CNTNAP5: variants seen among roughly 807,000 people sequenced by gnomAD.
The protein encoded by CNTNAP5 is contactin associated protein family member 5, also known as contactin-associated protein-like 5.
A neutral mutation model predicts 150.2 loss-of-function variants in CNTNAP5; 72 were observed. The ratio of observed to expected loss-of-function variants is 0.48; its 90% CI spans 0.40 to 0.58. CNTNAP5 has a LOEUF of 0.58. Among genes scored for constraint, CNTNAP5 ranks in the 20% least tolerant of loss-of-function variants. The pLI is 0.00. For missense variants in CNTNAP5, 1,636 were observed against 1,626.2 expected, an observed-to-expected ratio of 1.01 and a Z score of -0.10; for synonymous variants, 672 against 619.8, an observed-to-expected ratio of 1.08 and a Z score of -1.25.
At chr2:124,381,602 G>T (rs1391843506) in intron 3 of CNTNAP5, among the ~76,000 whole-genome samples, 2 of 152,092 alleles carry the variant, frequency 1.3e-5, no homozygotes, top group Non-Finnish European at 2.9e-5. Context: ...AGATGTGTAA[G>T]TGCTGGGCAA....
chr2:124,099,945 A>C (rs1002715390), intron 1 of CNTNAP5, among the ~76,000 whole-genome samples: 10 of 152,228 alleles, frequency 6.6e-5, no homozygotes, highest in African/African-American at 2.4e-4. Context: ...CCAACACTGG[A>C]GATGACAGTT....
chr2:124,549,293 A>T (rs903138552), intron 10 of CNTNAP5, among the ~76,000 whole-genome samples: 1 of 152,188 alleles, frequency 6.6e-6, no homozygotes, highest in Admixed American at 6.5e-5. Flanking sequence ...AACCTAGAGG[A>T]GCCGGGATAA....
At chr2:124,865,026 CA>C (rs1677601402) in intron 19 of CNTNAP5, among the ~76,000 whole-genome samples, 1 of 151,894 alleles carries the variant, frequency 6.6e-6, no homozygotes, top group Admixed American at 6.6e-5. Context: ...GATCCAATTA[CA>C]AAATAGATGT....
At chr2:124,665,347 A>T (rs1300282178) in intron 13 of CNTNAP5, among the ~76,000 whole-genome samples, 1 of 152,228 alleles carries the variant, frequency 6.6e-6, no homozygotes, top group Non-Finnish European at 1.5e-5. Flanking sequence ...CCTGAATTTT[A>T]GTTTCAGCTA....
At chr2:124,809,236 C>A (rs561806576) in intron 19 of CNTNAP5, among the ~76,000 whole-genome samples, 1 of 151,980 alleles carries the variant, frequency 6.6e-6, no homozygotes, top group Admixed American at 6.6e-5. Context: ...CTTTCACCAG[C>A]CTTCCAAGAC....
At chr2:124,567,931 G>A (rs1696071025) in intron 11 of CNTNAP5, among the ~76,000 whole-genome samples, 1 of 151,222 alleles carries the variant, frequency 6.6e-6, no homozygotes, top group African/African-American at 2.4e-5. Flanking sequence ...GATATGCATA[G>A]TGTTATTATT....
chr2:124,561,301 T>A (rs1695885878), intron 10 of CNTNAP5, among the ~76,000 whole-genome samples: 1 of 152,132 alleles, frequency 6.6e-6, no homozygotes, highest in South Asian at 2.1e-4. Flanking sequence ...AAAACAGTGC[T>A]AGCCCCCCAG....
chr2:124,209,016 C>T (rs1240607432), intron 1 of CNTNAP5, among the ~76,000 whole-genome samples: 2 of 152,228 alleles, frequency 1.3e-5, no homozygotes, highest in African/African-American at 2.4e-5. Flanking sequence ...TACTATATCA[C>T]AGAGAAAGAA....
chr2:124,419,950 T>C lies in CNTNAP5; in HGVS notation c.529+2360T>C, dbSNP rs1229786971. ...TTTCTTTCTTTCTTTCTTTCTTTCT[T>C]TCTTTCCTTTTCTCTCTCTCTCTTT... On this transcript the variant is annotated intron_variant, in intron 4 of 23. Transcript: ENST00000682447. 4.9e-3 allele frequency among the ~76,000 whole-genome samples: 582 copies of C among 118,046 alleles called. 11 individuals are homozygous for C. Among genetic ancestry groups the C allele is most frequent in the African/African-American group, 0.019 (539 of 28,680 alleles). The allele number at this position is 118,046 out of a possible 152,430, so 77.4% of individuals were successfully genotyped here.
chr2:124,304,773 G>T (rs895853473), intron 3 of CNTNAP5, among the ~76,000 whole-genome samples: 2 of 152,088 alleles, frequency 1.3e-5, no homozygotes, highest in Non-Finnish European at 2.9e-5. Context: ...ATTTTCAAAA[G>T]TATTCTCAGG....
chr2:124,894,968 T>C (rs1678272537), intron 21 of CNTNAP5, among the ~76,000 whole-genome samples: 1 of 151,486 alleles, frequency 6.6e-6, no homozygotes, highest in African/African-American at 2.4e-5. Flanking sequence ...AAGGTTTTAC[T>C]GATTCAGCAC....
intron 20 of CNTNAP5, among the ~76,000 whole-genome samples, chr2:124,867,162 A>C (rs1677649942): frequency 6.6e-6 from 1 of 152,102 alleles, no homozygotes; most frequent in Admixed American, 6.6e-5. Context: ...GGCTCCCCAA[A>C]GCCTAAAACA....
intron 12 of CNTNAP5, among the ~76,000 whole-genome samples, chr2:124,615,723 G>T (rs984419540): frequency 3.9e-5 from 6 of 152,142 alleles, no homozygotes; most frequent in Admixed American, 1.3e-4. Flanking sequence ...AATTTACTTT[G>T]CCCAGACACA....
intron 1 of CNTNAP5, among the ~76,000 whole-genome samples, chr2:124,182,032 A>C: frequency 6.6e-6 from 1 of 152,334 alleles, no homozygotes; most frequent in East Asian, 1.9e-4. Context: ...CCAAACAGCT[A>C]TAATATGTAG....
intron 19 of CNTNAP5, among the ~76,000 whole-genome samples, chr2:124,833,718 T>C (rs1682766802): frequency 6.6e-6 from 1 of 152,122 alleles, no homozygotes; most frequent in Non-Finnish European, 1.5e-5. Context: ...CAAAGCAGAA[T>C]CACATCAGGG....
At chr2:124,789,224 A>G (rs183054661) in intron 17 of CNTNAP5, among the ~76,000 whole-genome samples, 7 of 152,290 alleles carry the variant, frequency 4.6e-5, no homozygotes, top group Non-Finnish European at 8.8e-5. Context: ...TCCACTTCAG[A>G]TGAAAGTGTG....
At chr2:124,449,371 A>G (rs1018606186) in intron 6 of CNTNAP5, among the ~76,000 whole-genome samples, 1 of 151,792 alleles carries the variant, frequency 6.6e-6, no homozygotes, top group Non-Finnish European at 1.5e-5. Flanking sequence ...AACAGCAAAA[A>G]AAACAAAACA....
chr2:124,121,609 C>A (rs1447663192), intron 1 of CNTNAP5, among the ~76,000 whole-genome samples: 1 of 152,058 alleles, frequency 6.6e-6, no homozygotes, highest in Non-Finnish European at 1.5e-5. Context: ...TCGCTGTGGT[C>A]AAATGGTAAA....
intron 1 of CNTNAP5, among the ~76,000 whole-genome samples, chr2:124,058,961 T>C (rs1458670912): frequency 6.6e-6 from 1 of 152,196 alleles, no homozygotes; most frequent in Non-Finnish European, 1.5e-5. Flanking sequence ...AGTAAGCTAT[T>C]GTATCACCAA....
Sources: gnomAD v4.1 joint callset for allele counts (sites outside exome capture counted in the v4.1 genomes callset) on GRCh38, gnomAD v4.1.1 for gene constraint, MANE v1.5 for transcripts, NCBI Gene and HGNC (gene_info 2026-07-23, HGNC 2026-07-21) for gene names.